Variants in MAPKAPK2 observed in about 807,000 individuals in gnomAD.
The protein encoded by MAPKAPK2 is MAP kinase-activated protein kinase 2.
A neutral mutation model predicts 48.8 loss-of-function variants in MAPKAPK2; 9 were observed. That is an observed-to-expected ratio of 0.18 (90% CI 0.11 to 0.32). MAPKAPK2 has a LOEUF of 0.32. Ranked by LOEUF, MAPKAPK2 falls within the 10% of genes least tolerant of loss-of-function variation. The probability of loss-of-function intolerance (pLI) is 1.00; values close to 1 mark genes in which losing one functional copy is unlikely to be tolerated. For synonymous variants in MAPKAPK2, 202 were observed against 190.6 expected (o/e 1.06, Z -0.49); for missense variants, 331 against 498.3 (o/e 0.66, Z 3.20).
chr1:206,714,764 C>CAAAA (rs373824626), intron 1 of MAPKAPK2, among the ~76,000 whole-genome samples: 2 of 116,076 alleles, frequency 1.7e-5, no homozygotes, highest in Non-Finnish European at 3.4e-5. Context: ...AACTCGGTCA[C>CAAAA]AAAAAAAAAA....
Position 206,733,578 on chromosome 1 carries a change from C to G in MAPKAPK2, c.*860C>G, listed in dbSNP as rs1674008146. ...GCACTGCGATCAGGAAGACTGGACC[C>G]CCAGCCCCCAGGGCCCCCCTCCCCC... On this transcript the variant is annotated 3_prime_UTR_variant, in exon 10 of 10. Transcript: ENST00000367103. 2 of 152,562 alleles carry G rather than the reference C, an allele frequency of 1.3e-5. No homozygotes were observed. The highest frequency in any genetic ancestry group is 1.3e-4 in the Admixed American group (2 of 15,292). The allele number at this position is 152,562 out of a possible 1,614,324, so 9.5% of individuals were successfully genotyped here.
At position 206,712,500 on chromosome 1, in the gene MAPKAPK2, G is replaced by A. The variant is rs1673188685; in HGVS notation, c.280-16210G>A. On this transcript the variant is annotated intron_variant, in intron 1 of 9. Transcript: ENST00000367103. ...GCTGTTGAAGATGGGTTTTTTTGTT[G>A]TTGTTGTTGTTAGTTTTGGCGTATA... Among the ~76,000 whole-genome samples the A allele has an allele frequency of 2.6e-5, 4 of 152,044 alleles. No homozygotes were observed. The South Asian group carries it at 8.3e-4, about 31-fold the overall frequency.
chr1:206,733,280 ATGTGTGTGTG>A lies in MAPKAPK2; in HGVS notation c.*579_*588del, dbSNP rs5780359. ...GTGCCAGACAAATAGGAGTGAGTGTATGTGTGTGTGTGTGTGTGTGTGTGTGCACACGTGT... is the reference window on the plus strand; with the variant it reads ...GTGCCAGACAAATAGGAGTGAGTGTATGTGTGTGTGTGTGTGCACACGTGT... On this transcript the variant is annotated 3_prime_UTR_variant, in exon 10 of 10. Coordinates refer to ENST00000367103, the MANE Select transcript of MAPKAPK2 (RefSeq NM_032960.4). 5.3e-5 allele frequency: 8 copies of A among 151,396 alleles called. No individual in the cohort carries two copies. Among genetic ancestry groups the A allele is most frequent in the South Asian group, 2.1e-4 (1 of 4,818 alleles). The allele number at this position is 151,396 out of a possible 1,614,324, so 9.4% of individuals were successfully genotyped here.
intron 1 of MAPKAPK2, among the ~76,000 whole-genome samples, chr1:206,700,974 G>C (rs1553427840): frequency 1.3e-5 from 2 of 152,196 alleles, no homozygotes; most frequent in Non-Finnish European, 2.9e-5. Context: ...TAAAGTCCTT[G>C]GGGGTGAGAG....
intron 1 of MAPKAPK2, among the ~76,000 whole-genome samples, chr1:206,719,097 G>A (rs1403166691): frequency 6.6e-6 from 1 of 152,134 alleles, no homozygotes; most frequent in African/African-American, 2.4e-5. Context: ...TGAACTGCCT[G>A]TTCTTATCGT....
intron 1 of MAPKAPK2, among the ~76,000 whole-genome samples, chr1:206,725,965 T>C (rs897529277): frequency 6.6e-6 from 1 of 152,214 alleles, no homozygotes; most frequent in Non-Finnish European, 1.5e-5. Flanking sequence ...GTGCAATGCA[T>C]GGCCCATAGT....
At position 206,729,387 on chromosome 1, in the gene MAPKAPK2, C is replaced by T; in HGVS notation, c.485-9C>T. 6.2e-7 allele frequency: 1 copy of T among 1,609,754 alleles called. No individual in the cohort carries two copies. Among genetic ancestry groups the T allele is most frequent in the South Asian group, 1.1e-5 (1 of 90,980 alleles). On this transcript the variant is annotated splice_polypyrimidine_tract_variant and intron_variant, in intron 3 of 9. Coordinates refer to ENST00000367103, the MANE Select transcript of MAPKAPK2 (RefSeq NM_032960.4). Reference sequence around the variant, plus strand: ...TTCTTTCCCACTCACTCTTCCCTCCCCTCTACAGAAGCATCCGAAATCATG... The same window carrying T: ...TTCTTTCCCACTCACTCTTCCCTCCTCTCTACAGAAGCATCCGAAATCATG...
At chr1:206,710,970 G>C (rs551933965) in intron 1 of MAPKAPK2, among the ~76,000 whole-genome samples, 1 of 152,216 alleles carries the variant, frequency 6.6e-6, no homozygotes, top group African/African-American at 2.4e-5. Flanking sequence ...TTTATAATTT[G>C]ACAGCAAGAG....
chr1:206,690,935 C>G (rs1296461268), intron 1 of MAPKAPK2, among the ~76,000 whole-genome samples: 1 of 152,268 alleles, frequency 6.6e-6, no homozygotes, highest in African/African-American at 2.4e-5. Context: ...TCTTTTCCCC[C>G]TCTTCCCTGC....
intron 6 of MAPKAPK2, among the ~76,000 whole-genome samples, 187 bp from the exon 7 acceptor site, chr1:206,730,951 C>T (rs558452532): frequency 9.2e-5 from 14 of 152,294 alleles, no homozygotes; most frequent in African/African-American, 2.9e-4. Flanking sequence ...AAGTGTGCGC[C>T]TTAGATACTT....
At position 206,731,052 on chromosome 1, in the gene MAPKAPK2, A is replaced by C; in HGVS notation, c.768-86A>C. ...TTTCTCTGTGACCTTTACAAGGAGA[A>C]GAGCCTGTTTCTCATCCTGTTCCTG... On this transcript the variant is annotated intron_variant, in intron 6 of 9. Transcript: ENST00000367103. The surrounding 1 kb of genome is among the most constrained non-coding windows in gnomAD (Gnocchi z 5.9). The C allele has an allele frequency of 1.3e-6, 2 of 1,544,558 alleles. No individual in the cohort carries two copies. Among genetic ancestry groups the C allele is most frequent in the Non-Finnish European group, 1.8e-6 (2 of 1,117,742 alleles).
At chr1:206,699,989 C>T (rs1553427658) in intron 1 of MAPKAPK2, among the ~76,000 whole-genome samples, 4 of 143,638 alleles carry the variant, frequency 2.8e-5, no homozygotes, top group Admixed American at 6.9e-5. Flanking sequence ...TTTTCTCTTT[C>T]TTTCTTCTTC....
chr1:206,730,996 T>C, intron 6 of MAPKAPK2, 142 bp from the exon 7 acceptor site: 2 of 1,245,546 alleles, frequency 1.6e-6, no homozygotes, highest in Non-Finnish European at 2.3e-6. Context: ...GGCTTGACTT[T>C]GTATATTGTG....
At chr1:206,699,859 G>A (rs1374906260) in intron 1 of MAPKAPK2, among the ~76,000 whole-genome samples, 1 of 152,094 alleles carries the variant, frequency 6.6e-6, no homozygotes, top group Non-Finnish European at 1.5e-5. Flanking sequence ...GCAATGGGTC[G>A]GGTCTGTTTG....
Position 206,733,041 on chromosome 1 carries a change from T to C in MAPKAPK2, c.*323T>C, listed in dbSNP as rs1200940318. The C allele has an allele frequency of 2.1e-5, 6 of 290,810 alleles. No homozygotes were observed. Among genetic ancestry groups the C allele is most frequent in the Non-Finnish European group, 3.9e-5 (6 of 152,884 alleles). 18.0% of individuals were successfully genotyped at this position (290,810 alleles called of 1,614,324 possible). A position where few individuals can be genotyped will look rare whatever the true frequency, so the allele number is the denominator to read the frequency against. On this transcript the variant is annotated 3_prime_UTR_variant, in exon 10 of 10. Transcript: ENST00000367103. ...GCCCCACTCCTCTCCACCAGACGCC[T>C]TCCTCTCTGGATACTGCAAAGGCTT...
At chr1:206,693,006 G>C (rs1181081797) in intron 1 of MAPKAPK2, among the ~76,000 whole-genome samples, 1 of 152,232 alleles carries the variant, frequency 6.6e-6, no homozygotes. Flanking sequence ...TCTGAGGGGA[G>C]GGGCTGAACA....
chr1:206,731,428 C>G lies in MAPKAPK2; in HGVS notation c.892+166C>G. On this transcript the variant is annotated intron_variant, in intron 7 of 9. Transcript: ENST00000367103. This position sits in a 1 kb window ranked among gnomAD's most constrained non-coding sequence, Gnocchi z 5.9. ...CGGGGTGCGTCCTGCTTCATTTTGC[C>G]TGTGTGGAGGGCTGGAGGCAGGGCC... 2 of 1,376,242 alleles carry G rather than the reference C, an allele frequency of 1.5e-6. No homozygotes were observed. Among genetic ancestry groups the G allele is most frequent in the Non-Finnish European group, 2.0e-6 (2 of 1,009,434 alleles). 85.3% of individuals were successfully genotyped at this position (1,376,242 alleles called of 1,614,324 possible). A position where few individuals can be genotyped will look rare whatever the true frequency, so the allele number is the denominator to read the frequency against.
At chr1:206,685,784 G>A (rs797026365) in intron 1 of MAPKAPK2, among the ~76,000 whole-genome samples, 1 of 151,894 alleles carries the variant, frequency 6.6e-6, no homozygotes, top group Non-Finnish European at 1.5e-5. Context: ...GTTTGAGCGG[G>A]ATCCAGCCGA....
chr1:206,717,455 C>G (rs1283975808), intron 1 of MAPKAPK2, among the ~76,000 whole-genome samples: 2 of 152,208 alleles, frequency 1.3e-5, no homozygotes, highest in Non-Finnish European at 2.9e-5. Flanking sequence ...ACCCAAGACT[C>G]CTGTGTGGTT....
Sources: allele counts gnomAD v4.1 joint callset (sites outside exome capture counted in the v4.1 genomes callset), GRCh38; gene constraint gnomAD v4.1.1; non-coding constraint Gnocchi (gnomAD v3.1); transcripts MANE v1.5; gene names NCBI Gene and HGNC (gene_info 2026-07-23, HGNC 2026-07-21).